The following GPATCH2 variants were observed in gnomAD, a reference collection of about 807,000 sequenced individuals.
GPATCH2 encodes G-patch domain containing 2.
In GPATCH2, 51 loss-of-function variants were observed where a neutral mutation model predicts 58.0. The ratio of observed to expected loss-of-function variants is 0.88; its 90% CI spans 0.70 to 1.11. The LOEUF (loss-of-function observed/expected upper bound fraction) is 1.11. Ranked by LOEUF, GPATCH2 falls within the 50% of genes most tolerant of loss-of-function variation. The pLI, the probability that GPATCH2 is intolerant of heterozygous loss-of-function variation, is 0.00. For missense variants in GPATCH2, 625 were observed against 652.2 expected (o/e 0.96, Z 0.45); for synonymous variants, 222 against 218.5 (o/e 1.02, Z -0.14).
intron 5 of GPATCH2, among the ~76,000 whole-genome samples, chr1:217,590,724 C>A (rs1667555600): frequency 6.6e-6 from 1 of 152,156 alleles, no homozygotes; most frequent in African/African-American, 2.4e-5. Flanking sequence ...TCTGCCTGGC[C>A]ACTAGAAGGC....
intron 5 of GPATCH2, among the ~76,000 whole-genome samples, chr1:217,577,075 A>AT (rs1666841831): frequency 6.6e-6 from 1 of 152,208 alleles, no homozygotes; most frequent in Admixed American, 6.5e-5. Flanking sequence ...ATATTTTCAC[A>AT]TAAGAGTGCT....
intron 8 of GPATCH2, among the ~76,000 whole-genome samples, chr1:217,489,062 T>C (rs2102529200): frequency 6.6e-6 from 1 of 151,982 alleles, no homozygotes; most frequent in South Asian, 2.1e-4. Context: ...ATGCTTTCTA[T>C]GTATCTTATT....
At chr1:217,609,861 G>A in intron 5 of GPATCH2, 1 of 1,023,040 alleles carries the variant, frequency 9.8e-7, no homozygotes, top group Non-Finnish European at 1.2e-6. Context: ...GGCAAAGCAA[G>A]TATACATAAA....
At chr1:217,597,505 C>G (rs1470393831) in intron 5 of GPATCH2, among the ~76,000 whole-genome samples, 1 of 152,084 alleles carries the variant, frequency 6.6e-6, no homozygotes, top group Non-Finnish European at 1.5e-5. Flanking sequence ...ATTGGAGGCT[C>G]TAGATACCTC....
Position 217,555,489 on chromosome 1 carries a change from T to A in GPATCH2, c.1099-40600A>T, listed in dbSNP as rs562904900. Among the ~76,000 whole-genome samples the A allele has an allele frequency of 3.1e-4, 47 of 152,308 alleles. No homozygotes were observed. In the South Asian group the frequency reaches 9.5e-3, roughly 31 times the overall value. ...GGGTATGAAGGTTTAGAAGTTCTGA[T>A]GTAATTTTACTATTATAGGTTTGGC... On this transcript the variant is annotated intron_variant, in intron 5 of 9. Coordinates refer to ENST00000366935, the MANE Select transcript of GPATCH2 (RefSeq NM_018040.5).
intron 1 of GPATCH2, among the ~76,000 whole-genome samples, chr1:217,621,458 T>C (rs1669182457): frequency 1.3e-5 from 2 of 152,154 alleles, no homozygotes; most frequent in African/African-American, 4.8e-5. Flanking sequence ...ATACAGAGCT[T>C]CTAGAGCCTA....
intron 6 of GPATCH2, among the ~76,000 whole-genome samples, chr1:217,500,265 A>T (rs1662232290): frequency 6.6e-6 from 1 of 152,012 alleles, no homozygotes; most frequent in Non-Finnish European, 1.5e-5. Context: ...AAATATCTGA[A>T]AATATGCCCA....
chr1:217,608,812 A>G (rs1668484494), intron 5 of GPATCH2: 12 of 984,896 alleles, frequency 1.2e-5, no homozygotes, highest in African/African-American at 1.7e-5. Flanking sequence ...TACAATTACC[A>G]ACACCACACT....
chr1:217,487,103 C>A (rs1391127542), intron 8 of GPATCH2, among the ~76,000 whole-genome samples: 1 of 152,160 alleles, frequency 6.6e-6, no homozygotes, highest in East Asian at 1.9e-4. Flanking sequence ...TTTCCCTCAG[C>A]CAGGCTGGAT....
At chr1:217,439,981 T>C (rs574146273) in intron 9 of GPATCH2, among the ~76,000 whole-genome samples, 1 of 152,172 alleles carries the variant, frequency 6.6e-6, no homozygotes, top group African/African-American at 2.4e-5. Flanking sequence ...TTCCAAAGGA[T>C]AGAAAAAGAG....
chr1:217,505,333 G>C (rs1484802596), intron 6 of GPATCH2, among the ~76,000 whole-genome samples: 2 of 152,154 alleles, frequency 1.3e-5, no homozygotes, highest in African/African-American at 2.4e-5. Flanking sequence ...AAGTACAGTA[G>C]AGCAGTTGTG....
chr1:217,571,511 T>C (rs952774745), intron 5 of GPATCH2, among the ~76,000 whole-genome samples: 1 of 131,264 alleles, frequency 7.6e-6, no homozygotes, highest in African/African-American at 2.6e-5. Flanking sequence ...TTGAAAGACA[T>C]TAAAAAAAAA....
chr1:217,609,472 C>T (rs1668524952), intron 5 of GPATCH2: 1 of 982,062 alleles, frequency 1.0e-6, no homozygotes, highest in Admixed American at 6.2e-5. Context: ...GACTAGTTAT[C>T]ACTGTGGCTA....
rs188911825 is a variant in GPATCH2, at chr1:217,428,817, T to C, written c.*2328A>G. 2 of 152,326 alleles carry C rather than the reference T, an allele frequency of 1.3e-5. No homozygotes were observed. Among genetic ancestry groups the C allele is most frequent in the African/African-American group, 4.8e-5 (2 of 41,586 alleles). 9.4% of individuals were successfully genotyped at this position (152,326 alleles called of 1,614,324 possible). On this transcript the variant is annotated 3_prime_UTR_variant, in exon 10 of 10. Coordinates refer to ENST00000366935, the MANE Select transcript of GPATCH2 (RefSeq NM_018040.5). Reference sequence around the variant, plus strand: ...TAAGTTAACATCCCACAGAAGTTGCTTCAGAAGATTTGTACCTGTCCAGAA... The same window carrying C: ...TAAGTTAACATCCCACAGAAGTTGCCTCAGAAGATTTGTACCTGTCCAGAA...
At chr1:217,570,632 C>T (rs1459119412) in intron 5 of GPATCH2, among the ~76,000 whole-genome samples, 1 of 152,046 alleles carries the variant, frequency 6.6e-6, no homozygotes, top group Non-Finnish European at 1.5e-5. Flanking sequence ...AATTTCAAGA[C>T]ACCAACAAAC....
intron 8 of GPATCH2, among the ~76,000 whole-genome samples, chr1:217,489,236 C>A (rs918685893): frequency 1.3e-5 from 2 of 151,652 alleles, no homozygotes; most frequent in African/African-American, 4.8e-5. Context: ...GTTAATTAAT[C>A]CATTTTTAAA....
At chr1:217,461,963 G>A (rs912884290) in intron 8 of GPATCH2, among the ~76,000 whole-genome samples, 1 of 152,104 alleles carries the variant, frequency 6.6e-6, no homozygotes, top group African/African-American at 2.4e-5. Flanking sequence ...GAGGTATCAC[G>A]AGGCTTGTGA....
chr1:217,511,855 C>A (rs1315371029), intron 6 of GPATCH2, among the ~76,000 whole-genome samples: 1 of 150,156 alleles, frequency 6.7e-6, no homozygotes, highest in Non-Finnish European at 1.5e-5. Flanking sequence ...GTCTATACAG[C>A]GTTGCCTGTA....
At chr1:217,584,235 C>A (rs566918855) in intron 5 of GPATCH2, among the ~76,000 whole-genome samples, 2 of 150,492 alleles carry the variant, frequency 1.3e-5, no homozygotes, top group East Asian at 3.9e-4. Flanking sequence ...CGGTGGCTCA[C>A]ACCTGTAATA....
Sources: gnomAD v4.1 joint callset for allele counts (sites outside exome capture counted in the v4.1 genomes callset) on GRCh38, gnomAD v4.1.1 for gene constraint, MANE v1.5 for transcripts, NCBI Gene and HGNC (gene_info 2026-07-23, HGNC 2026-07-21) for gene names.